PTGFR: variants seen among roughly 807,000 people sequenced by gnomAD.
PTGFR encodes the protein prostaglandin F2-alpha receptor.
In PTGFR, 15 loss-of-function variants were observed where a neutral mutation model predicts 26.2. The ratio of observed to expected loss-of-function variants is 0.57; its 90% confidence interval spans 0.38 to 0.88. The LOEUF (loss-of-function observed/expected upper bound fraction) is 0.88. Among genes scored for constraint, PTGFR ranks in the 40% least tolerant of loss-of-function variants. The probability of loss-of-function intolerance (pLI) is 0.00; values close to 1 mark genes in which losing one functional copy is unlikely to be tolerated. For synonymous variants in PTGFR, 165 were observed against 151.1 expected (o/e 1.09, Z -0.68); for missense variants, 369 against 427.2 (o/e 0.86, Z 1.20).
At chr1:78,493,574 T>G in intron 2 of PTGFR, 33 bp downstream of exon 2, 2 of 1,504,802 alleles carry the variant, frequency 1.3e-6, no homozygotes, top group Non-Finnish European at 1.8e-6. Context: ...TCTGCTTTCT[T>G]GGGTTAATCC....
At chr1:78,515,558 G>A (rs1650072994) in intron 2 of PTGFR, among the ~76,000 whole-genome samples, 2 of 152,186 alleles carry the variant, frequency 1.3e-5, no homozygotes, top group Admixed American at 6.5e-5. Context: ...TGTTACTACA[G>A]CACATTACAC....
rs544357440 is a variant in PTGFR at position 78,517,592 on chromosome 1, T to C, written c.799-18814T>C. ...GGCAAAATCCAGCACAAAAACCCAA[T>C]AGCAGGGATGAGCTTCTTGTGATGA... On this transcript the variant is annotated intron_variant, in intron 2 of 2. Transcript: ENST00000370757. Among the ~76,000 whole-genome samples the C allele has an allele frequency of 2.0e-5, 3 of 152,128 alleles. No individual in the cohort carries two copies. In the East Asian group the frequency reaches 5.8e-4, roughly 29 times the overall value.
intron 2 of PTGFR, among the ~76,000 whole-genome samples, chr1:78,527,709 A>G (rs546298626): frequency 2.6e-5 from 4 of 152,276 alleles, no homozygotes; most frequent in South Asian, 4.1e-4. Flanking sequence ...AGTTTTGTGC[A>G]TTACAGAGAA....
At chr1:78,511,226 C>T (rs1031869227) in intron 2 of PTGFR, among the ~76,000 whole-genome samples, 1 of 152,190 alleles carries the variant, frequency 6.6e-6, no homozygotes, top group Non-Finnish European at 1.5e-5. Context: ...CAACCCAAAA[C>T]TTTTCCTCTG....
rs1650761803 is a variant in PTGFR at position 78,540,188 on chromosome 1, GT to G, written c.*3502del. Among the ~76,000 whole-genome samples the G allele has an allele frequency of 6.6e-6, 1 of 152,062 alleles. No individual in the cohort carries two copies. Among genetic ancestry groups the G allele is most frequent in the Non-Finnish European group, 1.5e-5 (1 of 67,992 alleles). Reference sequence around the variant, plus strand: ...GCTGTTTCTCAAACTACAGAGCATGGTGAATCACACACAGGCTGTTAGAATA... The same window carrying G: ...GCTGTTTCTCAAACTACAGAGCATGGGAATCACACACAGGCTGTTAGAATA... On this transcript the variant is annotated 3_prime_UTR_variant, in exon 3 of 3. Coordinates refer to ENST00000370757, the MANE Select transcript of PTGFR (RefSeq NM_000959.4).
intron 2 of PTGFR, among the ~76,000 whole-genome samples, chr1:78,501,855 A>C (rs1649714498): frequency 6.6e-6 from 1 of 152,174 alleles, no homozygotes; most frequent in Non-Finnish European, 1.5e-5. Context: ...GTACTATCAG[A>C]TTAAATAATT....
chr1:78,531,936 A>G (rs1231251047), intron 2 of PTGFR, among the ~76,000 whole-genome samples: 11 of 152,098 alleles, frequency 7.2e-5, no homozygotes. Flanking sequence ...TATTATGTTT[A>G]TCAATATTAA....
At chr1:78,524,405 G>C (rs772708020) in intron 2 of PTGFR, among the ~76,000 whole-genome samples, 1 of 151,976 alleles carries the variant, frequency 6.6e-6, no homozygotes, top group African/African-American at 2.4e-5. Flanking sequence ...ACCTAGATTC[G>C]ACTTATAATA....
rs368273814 is a variant in PTGFR, at chr1:78,536,673, T to G, written c.1066T>G (p.Ser356Ala). ...TTCTGAGTCACCAGTTGCAGAGAAATCAGCAAGCACCTAGCTTAATAGGAC... is the reference window on the plus strand; with the variant it reads ...TTCTGAGTCACCAGTTGCAGAGAAAGCAGCAAGCACCTAGCTTAATAGGAC... ...AISESPVAEK[S>A]AST The change falls in exon 3 of 3, where the codon TCA (serine) becomes GCA (alanine). Residue 356 changes from serine (S) to alanine (A), a missense_variant. Coordinates refer to ENST00000370757, the MANE Select transcript of PTGFR (RefSeq NM_000959.4). 6.2e-6 allele frequency: 10 copies of G among 1,612,194 alleles called. No homozygotes were observed. The highest frequency in any genetic ancestry group is 8.5e-6 in the Non-Finnish European group (10 of 1,179,214).
intron 2 of PTGFR, among the ~76,000 whole-genome samples, chr1:78,504,594 T>C (rs1649782286): frequency 6.6e-6 from 1 of 152,306 alleles, no homozygotes; most frequent in East Asian, 1.9e-4. Context: ...ATTTCTTTTG[T>C]GGTTACTGAT....
intron 2 of PTGFR, among the ~76,000 whole-genome samples, chr1:78,521,502 C>T (rs2100385478): frequency 6.6e-6 from 1 of 152,176 alleles, no homozygotes; most frequent in East Asian, 1.9e-4. Context: ...TTGAAAAATA[C>T]AGAAATAATT....
intron 2 of PTGFR, among the ~76,000 whole-genome samples, chr1:78,513,264 G>C (rs1173257567): frequency 6.6e-6 from 1 of 152,124 alleles, no homozygotes; most frequent in Non-Finnish European, 1.5e-5. Context: ...CTGATTACAT[G>C]GTTGTGACCA....
At chr1:78,515,888 C>T (rs1014273090) in intron 2 of PTGFR, among the ~76,000 whole-genome samples, 1 of 152,112 alleles carries the variant, frequency 6.6e-6, no homozygotes, top group Non-Finnish European at 1.5e-5. Flanking sequence ...CTTTAGGATC[C>T]TTTAGAATCC....
chr1:78,540,483 G>C lies in PTGFR; in HGVS notation c.*3796G>C, dbSNP rs1325457602. Among the ~76,000 whole-genome samples, 1 of 152,054 alleles carries C rather than the reference G, an allele frequency of 6.6e-6. No homozygotes were observed. Among genetic ancestry groups the C allele is most frequent in the African/African-American group, 2.4e-5 (1 of 41,434 alleles). ...TAGAAACATTTAGGACTCACTCTTT[G>C]TAAGTACTGACAAGCATGGTCTTGT... On this transcript the variant is annotated 3_prime_UTR_variant, in exon 3 of 3. Coordinates refer to ENST00000370757, the MANE Select transcript of PTGFR (RefSeq NM_000959.4).
At chr1:78,532,661 G>A (rs985436083) in intron 2 of PTGFR, among the ~76,000 whole-genome samples, 18 of 151,088 alleles carry the variant, frequency 1.2e-4, no homozygotes, top group Non-Finnish European at 2.1e-4. Flanking sequence ...TCTGCCTCTC[G>A]GGTTCAAGCG....
chr1:78,534,186 A>G (rs72933665), intron 2 of PTGFR, among the ~76,000 whole-genome samples: 1,843 of 152,262 alleles, frequency 0.012, 37 homozygotes, highest in African/African-American at 0.042. Context: ...TGGAAACTGT[A>G]TGAAAGACTG....
chr1:78,508,703 C>G (rs192973660), intron 2 of PTGFR, among the ~76,000 whole-genome samples: 130 of 152,242 alleles, frequency 8.5e-4, no homozygotes, highest in African/African-American at 3.0e-3. Context: ...GGAATTTGGG[C>G]AGTAAGAATG....
At chr1:78,530,136 T>G (rs913246321) in intron 2 of PTGFR, among the ~76,000 whole-genome samples, 1 of 152,208 alleles carries the variant, frequency 6.6e-6, no homozygotes, top group African/African-American at 2.4e-5. Context: ...TAAAAGGTAC[T>G]GAGCATTGTT....
chr1:78,521,245 C>A (rs1650235170), intron 2 of PTGFR, among the ~76,000 whole-genome samples: 2 of 152,102 alleles, frequency 1.3e-5, no homozygotes, highest in Admixed American at 6.6e-5. Flanking sequence ...GAGAAATTCT[C>A]CTTGGCAAAA....
Sources: gnomAD v4.1 joint callset for allele counts (sites outside exome capture counted in the v4.1 genomes callset) on GRCh38, gnomAD v4.1.1 for gene constraint, MANE v1.5 for transcripts, NCBI Gene and HGNC (gene_info 2026-07-23, HGNC 2026-07-21) for gene names.